PACSIN2: variants seen among roughly 807,000 people sequenced by gnomAD.
PACSIN2 encodes the protein protein kinase C and casein kinase substrate in neurons 2, also known as protein kinase C and casein kinase substrate in neurons protein 2.
PACSIN2 carries 25 observed loss-of-function variants against 63.8 expected under a neutral mutation model. The observed-to-expected ratio is 0.39, with a 90% CI of 0.29 to 0.55. The LOEUF (loss-of-function observed/expected upper bound fraction) is 0.55. Ranked by LOEUF, PACSIN2 falls within the 20% of genes least tolerant of loss-of-function variation. The probability of loss-of-function intolerance (pLI) is 0.62; values close to 1 mark genes in which losing one functional copy is unlikely to be tolerated. For synonymous variants in PACSIN2, 255 were observed against 256.2 expected, an observed-to-expected ratio of 1.00 and a Z score of 0.05; for missense variants, 518 against 646.9, an observed-to-expected ratio of 0.80 and a Z score of 2.16.
intron 1 of PACSIN2, among the ~76,000 whole-genome samples, chr22:42,926,491 C>T (rs776779578): frequency 1.1e-4 from 16 of 152,194 alleles, no homozygotes; most frequent in Middle Eastern, 3.4e-3. Flanking sequence ...CCACTGCAAA[C>T]TGAAGAAAAA....
chr22:42,998,931 G>T (rs1437109191), intron 1 of PACSIN2, among the ~76,000 whole-genome samples: 2 of 152,118 alleles, frequency 1.3e-5, no homozygotes, highest in Non-Finnish European at 2.9e-5. Flanking sequence ...CCAAACTCCA[G>T]GAAAAGATCA....
intron 1 of PACSIN2, among the ~76,000 whole-genome samples, chr22:42,918,341 C>T (rs879740848): frequency 2.0e-5 from 3 of 152,172 alleles, no homozygotes; most frequent in Non-Finnish European, 4.4e-5. Flanking sequence ...TGCATCAAAC[C>T]AAGCAAGACT....
Position 42,912,705 on chromosome 22 carries a change from C to T in PACSIN2, c.-77-548G>A, listed in dbSNP as rs7289864. On this transcript the variant is annotated intron_variant, in intron 1 of 10. Transcript: ENST00000263246. Reference sequence around the variant, plus strand: ...TCTACAATCCAGGCAAGGGTAAAGGCGGCAATTATTTCCCCTGTTGGAGGG... The same window carrying T: ...TCTACAATCCAGGCAAGGGTAAAGGTGGCAATTATTTCCCCTGTTGGAGGG... Among the ~76,000 whole-genome samples, 747 of 152,318 alleles carry T rather than the reference C, an allele frequency of 4.9e-3. 1 individual carries two copies. Among genetic ancestry groups the T allele is most frequent in the African/African-American group, 0.016 (650 of 41,568 alleles).
At position 42,905,722 on chromosome 22, in the gene PACSIN2, G is replaced by C. The variant is rs905917275; in HGVS notation, c.60+6299C>G. ...AGCTGAAAACAAAAATGACAGATTC[G>C]ACGGCCTGCAGCAGCCAGCCAAAAT... On this transcript the variant is annotated intron_variant, in intron 2 of 10. Transcript: ENST00000263246. 3.9e-5 allele frequency among the ~76,000 whole-genome samples: 6 copies of C among 152,326 alleles called. No individual in the cohort carries two copies. In the South Asian group the frequency reaches 1.2e-3, roughly 32 times the overall value.
intron 1 of PACSIN2, among the ~76,000 whole-genome samples, chr22:42,989,033 T>C (rs1382262084): frequency 6.6e-6 from 1 of 152,032 alleles, no homozygotes; most frequent in Non-Finnish European, 1.5e-5. Context: ...GCACATACCA[T>C]GACACCTGGC....
chr22:42,964,486 T>C (rs961718461), intron 1 of PACSIN2, among the ~76,000 whole-genome samples: 1 of 150,832 alleles, frequency 6.6e-6, no homozygotes, highest in East Asian at 1.9e-4. Context: ...GTTAATAGAA[T>C]ACCACAGATT....
chr22:42,961,724 G>A (rs1484386072), intron 1 of PACSIN2, among the ~76,000 whole-genome samples: 1 of 152,124 alleles, frequency 6.6e-6, no homozygotes, highest in Non-Finnish European at 1.5e-5. Context: ...AGTGAGCTGA[G>A]ATCACGTCAC....
intron 1 of PACSIN2, among the ~76,000 whole-genome samples, chr22:42,994,564 G>T (rs1050242226): frequency 5.9e-5 from 9 of 152,250 alleles, no homozygotes; most frequent in African/African-American, 2.2e-4. Context: ...AGCAGGACAC[G>T]CCAGGGAGGC....
intron 2 of PACSIN2, among the ~76,000 whole-genome samples, chr22:42,907,084 A>G (rs1051306396): frequency 1.3e-5 from 2 of 152,158 alleles, no homozygotes; most frequent in African/African-American, 4.8e-5. Context: ...GGATGGAGGA[A>G]AGAATCCTCC....
intron 1 of PACSIN2, among the ~76,000 whole-genome samples, chr22:42,961,688 G>C (rs187950632): frequency 6.6e-6 from 1 of 152,032 alleles, no homozygotes; most frequent in African/African-American, 2.4e-5. Context: ...CACGAGAATC[G>C]CTTGACCCCA....
intron 5 of PACSIN2, among the ~76,000 whole-genome samples, chr22:42,888,087 A>G (rs1353827944): frequency 6.6e-6 from 1 of 151,408 alleles, no homozygotes; most frequent in East Asian, 1.9e-4. Context: ...AAGCAGAGCA[A>G]TCCTTCTAAA....
intron 1 of PACSIN2, among the ~76,000 whole-genome samples, chr22:42,955,794 C>CAA (rs750613860): frequency 1.3e-5 from 2 of 152,188 alleles, no homozygotes; most frequent in African/African-American, 2.4e-5. Context: ...AAAGTAGTAA[C>CAA]AAATGTTTCT....
intron 1 of PACSIN2, among the ~76,000 whole-genome samples, chr22:43,009,088 T>G (rs370590166): frequency 2.8e-4 from 42 of 152,074 alleles, no homozygotes; most frequent in African/African-American, 9.9e-4. Flanking sequence ...CCTCTACGAG[T>G]GACACATTCT....
chr22:42,913,688 ATTAT>A (rs1931622638), intron 1 of PACSIN2, among the ~76,000 whole-genome samples: 1 of 152,166 alleles, frequency 6.6e-6, no homozygotes, highest in Non-Finnish European at 1.5e-5. Flanking sequence ...TTGCATAGTA[ATTAT>A]GATTACTATC....
rs1927996686 is a variant in PACSIN2 at position 42,870,267 on chromosome 22, TG to T, written c.*1089del. 6.6e-6 allele frequency: 1 copy of T among 152,208 alleles called. No homozygotes were observed. Among genetic ancestry groups the T allele is most frequent in the Non-Finnish European group, 1.5e-5 (1 of 68,052 alleles). The allele number at this position is 152,208 out of a possible 1,614,324, so 9.4% of individuals were successfully genotyped here. ...GTCAGAAGCCGGACCAGCAGTCAGC[TG>T]GTGACGACGAGCCTCCCTCCAGCAG... On this transcript the variant is annotated 3_prime_UTR_variant, in exon 11 of 11. Coordinates refer to ENST00000263246, the MANE Select transcript of PACSIN2 (RefSeq NM_001184970.3).
chr22:43,008,731 G>A (rs549027221), intron 1 of PACSIN2, among the ~76,000 whole-genome samples: 96 of 152,310 alleles, frequency 6.3e-4, no homozygotes, highest in African/African-American at 2.2e-3. Context: ...CCCACCCAGC[G>A]GCTCTGGGCC....
At chr22:43,002,621 A>C (rs988723838) in intron 1 of PACSIN2, among the ~76,000 whole-genome samples, 1 of 152,166 alleles carries the variant, frequency 6.6e-6, no homozygotes, top group Non-Finnish European at 1.5e-5. Context: ...AAATACACTT[A>C]CAAGCAGCAA....
At chr22:42,893,942 G>T (rs951563530) in intron 2 of PACSIN2, among the ~76,000 whole-genome samples, 1 of 152,100 alleles carries the variant, frequency 6.6e-6, no homozygotes, top group Non-Finnish European at 1.5e-5. Context: ...GGCACCTCAC[G>T]CAGACTGAGG....
At chr22:42,903,539 G>A (rs1442841006) in intron 2 of PACSIN2, among the ~76,000 whole-genome samples, 5 of 152,024 alleles carry the variant, frequency 3.3e-5, no homozygotes, top group Admixed American at 2.0e-4. Context: ...GATTCCACTC[G>A]TCCTGGTCCC....
Sources: allele counts gnomAD v4.1 joint callset (sites outside exome capture counted in the v4.1 genomes callset), GRCh38; gene constraint gnomAD v4.1.1; transcripts MANE v1.5; gene names NCBI Gene and HGNC (gene_info 2026-07-23, HGNC 2026-07-21).